NFXL1: variants seen among roughly 807,000 people sequenced by gnomAD.
NFXL1 encodes the protein nuclear transcription factor, X-box binding like 1.
In NFXL1, 66 loss-of-function variants were observed where a neutral mutation model predicts 123.3. That is an observed-to-expected ratio of 0.54 (90% CI 0.44 to 0.66). The LOEUF is 0.66. Among genes scored for constraint, NFXL1 ranks in the 30% least tolerant of loss-of-function variants. The pLI, the probability that NFXL1 is intolerant of heterozygous loss-of-function variation, is 0.00. For missense variants in NFXL1, 944 were observed against 1,125.6 expected (o/e 0.84, Z 2.31); for synonymous variants, 346 against 360.8 (o/e 0.96, Z 0.46).
At chr4:47,857,327 A>T (rs1300315547) in intron 19 of NFXL1, among the ~76,000 whole-genome samples, 1 of 152,162 alleles carries the variant, frequency 6.6e-6, no homozygotes, top group Non-Finnish European at 1.5e-5. Context: ...TCTGATATCT[A>T]TCATTTAAAT....
At chr4:47,904,547 C>T (rs1326135430) in intron 4 of NFXL1, among the ~76,000 whole-genome samples, 2 of 152,164 alleles carry the variant, frequency 1.3e-5, no homozygotes, top group Non-Finnish European at 2.9e-5. Context: ...TCTACCCAAC[C>T]AGAGCATGTT....
At chr4:47,866,679 A>T (rs1735094940) in intron 18 of NFXL1, among the ~76,000 whole-genome samples, 1 of 152,192 alleles carries the variant, frequency 6.6e-6, no homozygotes, top group Non-Finnish European at 1.5e-5. Flanking sequence ...GCCTCCTTGT[A>T]AGACTAGCCC....
At position 47,894,177 on chromosome 4, in the gene NFXL1, A is replaced by G; in HGVS notation, c.1452+3T>C. ...CAGAGGTTTCCAAGGTTAATACACA[A>G]ACCTTTCTTCTACATTGATGCTTCT... is the stretch of plus-strand genomic sequence containing the variant. On this transcript the variant is annotated splice_donor_region_variant and intron_variant, in intron 11 of 22. Transcript: ENST00000507489. 6.3e-7 allele frequency: 1 copy of G among 1,593,746 alleles called. No homozygotes were observed. Among genetic ancestry groups the G allele is most frequent in the East Asian group, 2.3e-5 (1 of 44,054 alleles).
chr4:47,912,718 A>G (rs1356105097), intron 2 of NFXL1, among the ~76,000 whole-genome samples: 1 of 140,830 alleles, frequency 7.1e-6, no homozygotes, highest in Non-Finnish European at 1.5e-5. Flanking sequence ...TCGGCCTCCC[A>G]AAGTGCTGGG....
chr4:47,900,542 C>G (rs1737314296), intron 5 of NFXL1, among the ~76,000 whole-genome samples: 1 of 152,154 alleles, frequency 6.6e-6, no homozygotes, highest in Non-Finnish European at 1.5e-5. Context: ...GTGCCTAAGT[C>G]AAAGAAAAGT....
intron 2 of NFXL1, among the ~76,000 whole-genome samples, chr4:47,913,104 G>A (rs1262182800): frequency 6.7e-6 from 1 of 150,094 alleles, no homozygotes; most frequent in Non-Finnish European, 1.5e-5. Context: ...TGCATGCTAA[G>A]AGAATACCAC....
In NFXL1 at chr4:47,862,883, T is replaced by C. The variant is rs774680450; in HGVS notation, c.2279A>G (p.Asn760Ser). 3 of 1,581,284 alleles carry C rather than the reference T, an allele frequency of 1.9e-6. No individual in the cohort carries two copies. Among genetic ancestry groups the C allele is most frequent in the East Asian group, 2.3e-5 (1 of 43,902 alleles). Reference sequence around the variant, plus strand: ...CTGATTTTTGCAACAACTGAGGAGGTTCTTTTCATTTACATCAGCTGTGGT... The same window carrying C: ...CTGATTTTTGCAACAACTGAGGAGGCTCTTTTCATTTACATCAGCTGTGGT... The part of the protein sequence containing the change: ...KITTADVNEK[N>S]LLSCCKNQCP... The change falls in exon 19 of 23, where the codon AAC (asparagine) becomes AGC (serine). Residue 760 changes from asparagine (N) to serine (S), a missense_variant. Coordinates refer to ENST00000507489, the MANE Select transcript of NFXL1 (RefSeq NM_001278624.2).
intron 19 of NFXL1, among the ~76,000 whole-genome samples, chr4:47,858,701 T>A (rs913762221): frequency 6.6e-6 from 1 of 152,126 alleles, no homozygotes; most frequent in African/African-American, 2.4e-5. Flanking sequence ...AAGGAAAGGA[T>A]TACTATAAAA....
chr4:47,877,518 A>G (rs1735825255), intron 17 of NFXL1, among the ~76,000 whole-genome samples: 1 of 152,052 alleles, frequency 6.6e-6, no homozygotes, highest in South Asian at 2.1e-4. Context: ...TGGAAGAGGG[A>G]AGCCATACAG....
At chr4:47,852,994 A>AT (rs1734211124) in intron 20 of NFXL1, among the ~76,000 whole-genome samples, 1 of 150,462 alleles carries the variant, frequency 6.6e-6, no homozygotes, top group Non-Finnish European at 1.5e-5. Flanking sequence ...TTAGTTCTTC[A>AT]TTTTTGGCTT....
intron 3 of NFXL1, among the ~76,000 whole-genome samples, chr4:47,908,367 G>C (rs1482898973): frequency 1.3e-5 from 2 of 151,874 alleles, no homozygotes; most frequent in Non-Finnish European, 2.9e-5. Context: ...AAGATTGTAG[G>C]GAGCTATGAT....
Position 47,899,137 on chromosome 4 carries a change from G to GAAAAAAAAAAAAAAAAAAAAAAAAA in NFXL1, c.827-18_827-17insTTTTTTTTTTTTTTTTTTTTTTTTT. ...GGCAGGGACCTAGAATTCAGTAAAA[G>GAAAAAAAAAAAAAAAAAAAAAAAAA]CAAAAAAAAAAAAAAAAAAAAAATC... On this transcript the variant is annotated splice_polypyrimidine_tract_variant and intron_variant, in intron 6 of 22. Transcript: ENST00000507489. 1 of 694,386 alleles carries GAAAAAAAAAAAAAAAAAAAAAAAAA rather than the reference G, an allele frequency of 1.4e-6. No individual in the cohort carries two copies. The highest frequency in any genetic ancestry group is 4.8e-5 in the South Asian group (1 of 20,696). The allele number at this position is 694,386 out of a possible 1,614,324, so 43.0% of individuals were successfully genotyped here.
chr4:47,862,682 A>G (rs575500401), intron 19 of NFXL1, among the ~76,000 whole-genome samples, 164 bp downstream of exon 19: 1 of 152,328 alleles, frequency 6.6e-6, no homozygotes, highest in South Asian at 2.1e-4. Context: ...AATATCACCA[A>G]ATTTATAAAA....
chr4:47,914,110 C>A lies in NFXL1; in HGVS notation c.94G>T (p.Gly32Cys). ...APSGNGVHLR[G>C]AGGGREKGSV... ...CCCTTCTCTCGCCCTCCTCCGGCGCCGCGGAGATGGACTCCATTTCCTGAG... is the reference window on the plus strand; with the variant it reads ...CCCTTCTCTCGCCCTCCTCCGGCGCAGCGGAGATGGACTCCATTTCCTGAG... The change falls in exon 2 of 23, where the codon GGC (glycine) becomes TGC (cysteine). Residue 32 changes from glycine (G) to cysteine (C), a missense_variant. Transcript: ENST00000507489. The A allele has an allele frequency of 6.4e-7, 1 of 1,553,022 alleles. No homozygotes were observed. Among genetic ancestry groups the A allele is most frequent in the Non-Finnish European group, 8.7e-7 (1 of 1,148,496 alleles).
rs1442381191 is a variant in NFXL1, at chr4:47,899,506, A to C, written c.690T>G (p.Ser230Arg). 1 of 1,613,014 alleles carries C rather than the reference A, an allele frequency of 6.2e-7. No individual in the cohort carries two copies. Among genetic ancestry groups the C allele is most frequent in the Non-Finnish European group, 8.5e-7 (1 of 1,179,052 alleles). ...RFEYKRSETP[S>R]RYYCYCGKVE... ...CTTTTCCACAATAGCAATAGTACCT[A>C]CTAGGTGTTTCAGATCGTTTGTATT... The change falls in exon 6 of 23, where the codon AGT (serine) becomes AGG (arginine). Residue 230 changes from serine to arginine, a missense_variant. By Grantham distance (110) the Ser-to-Arg change is moderately radical. Coordinates refer to ENST00000507489, the MANE Select transcript of NFXL1 (RefSeq NM_001278624.2).
intron 15 of NFXL1, among the ~76,000 whole-genome samples, chr4:47,879,932 C>T (rs925435825): frequency 6.6e-6 from 1 of 151,988 alleles, no homozygotes; most frequent in South Asian, 2.1e-4. Context: ...CAAAATGAAT[C>T]ACAGCTCTAA....
chr4:47,881,071 T>C (rs1049919520), intron 15 of NFXL1, among the ~76,000 whole-genome samples: 2 of 152,070 alleles, frequency 1.3e-5, no homozygotes, highest in African/African-American at 4.8e-5. Context: ...TGTTATCTAT[T>C]GTTAACTATA....
At chr4:47,853,660 A>G (rs923899989) in intron 20 of NFXL1, among the ~76,000 whole-genome samples, 1 of 152,156 alleles carries the variant, frequency 6.6e-6, no homozygotes, top group African/African-American at 2.4e-5. Context: ...AAAAATATAT[A>G]TACATTGCCA....
intron 4 of NFXL1, among the ~76,000 whole-genome samples, chr4:47,905,035 T>A (rs1183572541): frequency 6.6e-6 from 1 of 152,220 alleles, no homozygotes; most frequent in African/African-American, 2.4e-5. Flanking sequence ...ATATCAATAG[T>A]GCTAAAAATA....
Sources: allele counts gnomAD v4.1 joint callset (sites outside exome capture counted in the v4.1 genomes callset), GRCh38; gene constraint gnomAD v4.1.1; transcripts MANE v1.5; gene names NCBI Gene and HGNC (gene_info 2026-07-23, HGNC 2026-07-21).